RTN4IP1: variants seen among roughly 807,000 people sequenced by gnomAD.
The protein encoded by RTN4IP1 is NAD(P)H oxidoreductase RTN4IP1, mitochondrial.
Under a neutral mutation model 46.6 loss-of-function variants are expected in RTN4IP1, and 32 were observed. The observed-to-expected ratio is 0.69, with a 90% CI of 0.52 to 0.92. The LOEUF (loss-of-function observed/expected upper bound fraction) is 0.92. Ranked by LOEUF, RTN4IP1 falls within the 40% of genes least tolerant of loss-of-function variation. The probability of loss-of-function intolerance (pLI) is 0.00; values close to 1 mark genes in which losing one functional copy is unlikely to be tolerated. For synonymous variants in RTN4IP1, 167 were observed against 161.8 expected, an observed-to-expected ratio of 1.03 and a Z score of -0.24; for missense variants, 424 against 485.8, an observed-to-expected ratio of 0.87 and a Z score of 1.20.
At chr6:106,581,326 G>C (rs1775365372) in intron 8 of RTN4IP1, among the ~76,000 whole-genome samples, 1 of 152,212 alleles carries the variant, frequency 6.6e-6, no homozygotes, top group African/African-American at 2.4e-5. Context: ...ACCTGCTAAT[G>C]AGAATCATGA....
intron 1 of RTN4IP1, among the ~76,000 whole-genome samples, chr6:106,628,021 A>G (rs1407715418): frequency 1.4e-5 from 2 of 140,982 alleles, no homozygotes; most frequent in Non-Finnish European, 3.1e-5. Flanking sequence ...TGAGCCAGGA[A>G]AGCGCCCTTG....
At chr6:106,572,745 C>G (rs1344707125) in intron 8 of RTN4IP1, among the ~76,000 whole-genome samples, 1 of 152,242 alleles carries the variant, frequency 6.6e-6, no homozygotes, top group African/African-American at 2.4e-5. Flanking sequence ...ATCCATTTGG[C>G]TCCTTACAGA....
chr6:106,629,725 T>A (rs570669053), upstream of RTN4IP1: 11 of 1,600,186 alleles, frequency 6.9e-6, no homozygotes, highest in African/African-American at 5.4e-5. Context: ...ATTGGCCCGC[T>A]GAGGCCCCCG....
chr6:106,623,760 T>C (rs72945079), intron 1 of RTN4IP1, among the ~76,000 whole-genome samples: 5,933 of 152,346 alleles, frequency 0.039, 166 homozygotes, highest in Non-Finnish European at 0.059. Context: ...ATGATGTCTT[T>C]ATTAACGTAT....
intron 8 of RTN4IP1, among the ~76,000 whole-genome samples, chr6:106,575,769 A>G (rs1775212031): frequency 6.6e-6 from 1 of 152,238 alleles, no homozygotes; most frequent in Admixed American, 6.5e-5. Context: ...GCAAGGTCAG[A>G]GCTGTCAATA....
chr6:106,581,211 A>G (rs890709281), intron 8 of RTN4IP1, among the ~76,000 whole-genome samples: 2 of 152,138 alleles, frequency 1.3e-5, no homozygotes, highest in African/African-American at 4.8e-5. Context: ...GGGTTTTTGA[A>G]CCTTATGAAT....
intron 5 of RTN4IP1, among the ~76,000 whole-genome samples, chr6:106,593,201 T>C (rs564529312): frequency 8.2e-4 from 125 of 152,260 alleles, no homozygotes; most frequent in African/African-American, 2.9e-3. Flanking sequence ...AAAACTTGGA[T>C]CAGGTCCTCT....
At chr6:106,602,315 G>A (rs12526024) in intron 5 of RTN4IP1, among the ~76,000 whole-genome samples, 11,052 of 152,134 alleles carry the variant, frequency 0.073, 589 homozygotes, top group East Asian at 0.2. Flanking sequence ...GGATTGTACT[G>A]AATCTATAAA....
intron 7 of RTN4IP1, among the ~76,000 whole-genome samples, chr6:106,586,843 T>C (rs1249157441): frequency 6.6e-6 from 1 of 152,196 alleles, no homozygotes; most frequent in African/African-American, 2.4e-5. Flanking sequence ...GCTCTGCTAT[T>C]AGTCTTGTAA....
At chr6:106,585,926 G>C (rs1188132720) in intron 7 of RTN4IP1, among the ~76,000 whole-genome samples, 2 of 152,190 alleles carry the variant, frequency 1.3e-5, no homozygotes, top group Non-Finnish European at 2.9e-5. Context: ...TGGAAAATCT[G>C]GGTTTTGTGA....
intron 6 of RTN4IP1, among the ~76,000 whole-genome samples, chr6:106,589,458 T>C (rs898415444): frequency 6.6e-5 from 10 of 151,984 alleles, no homozygotes; most frequent in African/African-American, 2.2e-4. Flanking sequence ...AAGTTTTGAA[T>C]GAACAAATCT....
At chr6:106,592,025 A>T in intron 6 of RTN4IP1, 139 bp downstream of exon 6, 1 of 848,966 alleles carries the variant, frequency 1.2e-6, no homozygotes, top group Non-Finnish European at 1.8e-6. Flanking sequence ...CAACCTAAGT[A>T]ACTTCTAGTG....
chr6:106,605,149 C>T (rs983888588), intron 4 of RTN4IP1, among the ~76,000 whole-genome samples: 1 of 152,132 alleles, frequency 6.6e-6, no homozygotes, highest in Admixed American at 6.5e-5. Context: ...CAAAAGTGCC[C>T]AACAGGCCAA....
At chr6:106,589,959 G>A (rs186737943) in intron 6 of RTN4IP1, among the ~76,000 whole-genome samples, 10 of 152,342 alleles carry the variant, frequency 6.6e-5, no homozygotes, top group Admixed American at 1.3e-4. Flanking sequence ...CCTAGACTGA[G>A]TGTCCTCTAG....
intron 7 of RTN4IP1, among the ~76,000 whole-genome samples, chr6:106,586,732 G>C (rs1228657820): frequency 6.6e-6 from 1 of 151,980 alleles, no homozygotes; most frequent in Non-Finnish European, 1.5e-5. Context: ...TTAAACCAAT[G>C]ATCTATAATT....
intron 4 of RTN4IP1, among the ~76,000 whole-genome samples, chr6:106,603,647 G>A (rs893300756): frequency 2.6e-5 from 4 of 152,152 alleles, no homozygotes; most frequent in African/African-American, 7.2e-5. Context: ...AAATTTGTGC[G>A]ATGATGCATA....
At chr6:106,615,762 T>C (rs762748236) in intron 4 of RTN4IP1, among the ~76,000 whole-genome samples, 25 of 152,176 alleles carry the variant, frequency 1.6e-4, no homozygotes, top group Non-Finnish European at 3.1e-4. Flanking sequence ...CCATCAAATC[T>C]TAACATATTC....
intron 1 of RTN4IP1, among the ~76,000 whole-genome samples, chr6:106,625,430 C>T (rs1230751835): frequency 3.9e-5 from 6 of 152,060 alleles, no homozygotes; most frequent in African/African-American, 1.2e-4. Flanking sequence ...TGCTAAGAGG[C>T]TTTAAAACAA....
At chr6:106,580,110 A>T (rs185147531) in intron 8 of RTN4IP1, among the ~76,000 whole-genome samples, 12 of 151,014 alleles carry the variant, frequency 7.9e-5, no homozygotes, top group Non-Finnish European at 1.5e-4. Context: ...GCTACTTGGA[A>T]GGCTGAGGCA....
Sources: allele counts gnomAD v4.1 joint callset (sites outside exome capture counted in the v4.1 genomes callset), GRCh38; gene constraint gnomAD v4.1.1; transcripts MANE v1.5; gene names NCBI Gene and HGNC (gene_info 2026-07-23, HGNC 2026-07-21).